The following POTEF variants were observed in gnomAD, a reference collection of about 807,000 sequenced individuals.
POTEF encodes the protein ANKRD26-like family C member 1B.
A neutral mutation model predicts 83.2 loss-of-function variants in POTEF; 20 were observed. The observed-to-expected ratio is 0.24, with a 90% confidence interval of 0.17 to 0.35. The LOEUF (loss-of-function observed/expected upper bound fraction) is 0.35, where lower values mean the gene tolerates loss of function less well. Ranked by LOEUF, POTEF falls within the 10% of genes least tolerant of loss-of-function variation. The probability of loss-of-function intolerance (pLI) is 1.00; values close to 1 mark genes in which losing one functional copy is unlikely to be tolerated. For missense variants in POTEF, 550 were observed against 1,203.2 expected (o/e 0.46, Z 8.03); for synonymous variants, 196 against 446.4 (o/e 0.44, Z 7.07).
intron 8 of POTEF, among the ~76,000 whole-genome samples, chr2:130,102,637 G>A (rs1343210223): frequency 2.0e-5 from 3 of 148,860 alleles, no homozygotes; most frequent in Non-Finnish European, 4.4e-5. Flanking sequence ...ACAGGTATGG[G>A]CTCCAGACAT....
intron 3 of POTEF, among the ~76,000 whole-genome samples, chr2:130,119,167 T>G (rs1239458423): frequency 6.9e-6 from 1 of 144,832 alleles, no homozygotes; most frequent in East Asian, 2.0e-4. Context: ...GCTCCCATCT[T>G]TTTTTTTTTT....
chr2:130,114,375 C>T (rs1684786852), intron 5 of POTEF, among the ~76,000 whole-genome samples: 1 of 149,134 alleles, frequency 6.7e-6, no homozygotes, highest in East Asian at 2.0e-4. Context: ...TTTCTGATTG[C>T]TCTCTTTTTT....
chr2:130,121,118 G>A (rs1325357869), intron 2 of POTEF, among the ~76,000 whole-genome samples: 1 of 151,642 alleles, frequency 6.6e-6, no homozygotes, highest in Admixed American at 6.6e-5. Context: ...GGGCGTGTGC[G>A]CGCGGCGTGC....
intron 5 of POTEF, among the ~76,000 whole-genome samples, chr2:130,113,696 G>T (rs1476730315): frequency 2.0e-5 from 3 of 147,376 alleles, no homozygotes; most frequent in African/African-American, 5.1e-5. Context: ...TACATATCCA[G>T]GCTTTATTAG....
At chr2:130,101,650 C>T (rs1259144188) in intron 9 of POTEF, among the ~76,000 whole-genome samples, 2 of 147,712 alleles carry the variant, frequency 1.4e-5, no homozygotes, top group African/African-American at 2.6e-5. Context: ...ATGAATCCAG[C>T]TCAGGGACCA....
chr2:130,073,989 T>C lies in POTEF; in HGVS notation c.*255A>G, dbSNP rs1485849218. ...TCCTGAAACAATGCGTCTCACAATA[T>C]TTGGAATGACTATTGAAAAGAAGAA... On this transcript the variant is annotated 3_prime_UTR_variant, in exon 17 of 17. Coordinates refer to ENST00000409914, the MANE Select transcript of POTEF (RefSeq NM_001099771.2). The C allele has an allele frequency of 5.3e-5, 40 of 760,506 alleles. No individual in the cohort carries two copies. Among genetic ancestry groups the C allele is most frequent in the Non-Finnish European group, 7.8e-5 (38 of 484,802 alleles). 47.1% of individuals were successfully genotyped at this position (760,506 alleles called of 1,614,324 possible). A position where few individuals can be genotyped will look rare whatever the true frequency, so the allele number is the denominator to read the frequency against.
At chr2:130,112,607 CATTT>C (rs1194766849) in intron 5 of POTEF, among the ~76,000 whole-genome samples, 9 of 121,924 alleles carry the variant, frequency 7.4e-5, no homozygotes, top group African/African-American at 1.6e-4. Flanking sequence ...AATTTTCCAA[CATTT>C]ATTTATTTAA....
In POTEF at chr2:130,099,028, T is replaced by G. The variant is rs1158528474; in HGVS notation, c.1409+442A>C. Reference sequence around the variant, plus strand: ...TTACTGGGAACTAAATAATGAGAACTCATGGACACAAAGAGGAGAATAACA... The same window carrying G: ...TTACTGGGAACTAAATAATGAGAACGCATGGACACAAAGAGGAGAATAACA... On this transcript the variant is annotated intron_variant, in intron 11 of 16. Coordinates refer to ENST00000409914, the MANE Select transcript of POTEF (RefSeq NM_001099771.2). 2.6e-5 allele frequency among the ~76,000 whole-genome samples: 2 copies of G among 77,866 alleles called. 1 individual carries two copies. Among genetic ancestry groups the G allele is most frequent in the African/African-American group, 1.4e-4 (2 of 14,480 alleles). The allele number at this position is 77,866 out of a possible 152,430, so 51.1% of individuals were successfully genotyped here.
chr2:130,115,445 A>G (rs1684822525), intron 3 of POTEF, 117 bp from the exon 4 acceptor site: 4 of 1,102,752 alleles, frequency 3.6e-6, no homozygotes, highest in Non-Finnish European at 5.2e-6. Context: ...CAAAACAAAC[A>G]TTTAACTTTC....
At chr2:130,076,121 A>T (rs1243050252) in intron 16 of POTEF, among the ~76,000 whole-genome samples, 1 of 90,212 alleles carries the variant, frequency 1.1e-5, no homozygotes, top group South Asian at 3.2e-4. Flanking sequence ...ATACTCAGTT[A>T]TAAGAATTAC....
intron 15 of POTEF, among the ~76,000 whole-genome samples, chr2:130,083,442 C>T (rs1380328279): frequency 1.1e-4 from 16 of 147,148 alleles, no homozygotes; most frequent in African/African-American, 2.8e-4. Context: ...CCATGATAAA[C>T]GGACTAGAAA....
chr2:130,120,631 C>G lies in POTEF; in HGVS notation c.-93-23G>C, dbSNP rs1043711782. 9 of 1,571,114 alleles carry G rather than the reference C, an allele frequency of 5.7e-6. No homozygotes were observed. In the South Asian group the frequency reaches 1.1e-4, roughly 19 times the overall value. The stretch of plus-strand genomic sequence containing the variant: ...AATCTGTTTGAAGAGAAAAGTCAAT[C>G]CCAGCCAAAACCTGCCAACCCCAGC... On this transcript the variant is annotated intron_variant, in intron 2 of 16. Coordinates refer to ENST00000409914, the MANE Select transcript of POTEF (RefSeq NM_001099771.2).
intron 3 of POTEF, among the ~76,000 whole-genome samples, chr2:130,118,903 G>A (rs1294062941): frequency 4.0e-5 from 6 of 149,444 alleles, no homozygotes; most frequent in South Asian, 2.1e-4. Flanking sequence ...ATTATCAAGC[G>A]CTAAATTCTT....
chr2:130,122,793 T>C (rs527581057), intron 2 of POTEF, among the ~76,000 whole-genome samples: 1 of 151,734 alleles, frequency 6.6e-6, no homozygotes, highest in South Asian at 2.1e-4. Flanking sequence ...TATATTTGTT[T>C]TGTTGCTATT....
chr2:130,118,824 A>C (rs1165134442), intron 3 of POTEF, among the ~76,000 whole-genome samples: 1 of 151,674 alleles, frequency 6.6e-6, no homozygotes, highest in African/African-American at 2.4e-5. Flanking sequence ...TGACATAAAA[A>C]TCTAGCTAGT....
At chr2:130,126,431 T>C (rs1383057310) in intron 2 of POTEF, among the ~76,000 whole-genome samples, 2 of 151,872 alleles carry the variant, frequency 1.3e-5, no homozygotes, top group African/African-American at 2.4e-5. Flanking sequence ...GCTCCAAATA[T>C]GTGAGAGAGA....
At chr2:130,123,148 TA>T (rs538268628) in intron 2 of POTEF, among the ~76,000 whole-genome samples, 3 of 133,954 alleles carry the variant, frequency 2.2e-5, no homozygotes, top group South Asian at 2.6e-4. Context: ...AGTTGTTATT[TA>T]AAAAAAAACC....
At chr2:130,123,287 C>T (rs1685033366) in intron 2 of POTEF, among the ~76,000 whole-genome samples, 1 of 149,358 alleles carries the variant, frequency 6.7e-6, no homozygotes, top group Non-Finnish European at 1.5e-5. Flanking sequence ...AAATCCAACA[C>T]CTTTAGTAGA....
At chr2:130,076,724 CAATT>C (rs1683816730) in intron 16 of POTEF, among the ~76,000 whole-genome samples, 1 of 149,806 alleles carries the variant, frequency 6.7e-6, no homozygotes, top group Non-Finnish European at 1.5e-5. Flanking sequence ...TAAAAATAAT[CAATT>C]GACTTCTCTA....
Sources: allele counts gnomAD v4.1 joint callset (sites outside exome capture counted in the v4.1 genomes callset), GRCh38; gene constraint gnomAD v4.1.1; transcripts MANE v1.5; gene names NCBI Gene and HGNC (gene_info 2026-07-23, HGNC 2026-07-21).